MFN2: variants seen among roughly 807,000 people sequenced by gnomAD.
MFN2 encodes mitofusin-2.
MFN2 carries 43 observed loss-of-function variants against 87.5 expected under a neutral mutation model. The ratio of observed to expected loss-of-function variants is 0.49; its 90% CI spans 0.38 to 0.63. The LOEUF is 0.63. Ranked by LOEUF, MFN2 falls within the 30% of genes least tolerant of loss-of-function variation. MFN2 has a pLI of 0.00. For synonymous variants in MFN2, 337 were observed against 359.9 expected, an observed-to-expected ratio of 0.94 and a Z score of 0.72; for missense variants, 743 against 972.8, an observed-to-expected ratio of 0.76 and a Z score of 3.14.
Position 12,003,651 on chromosome 1 carries a change from T to G in MFN2, c.1161-341T>G, listed in dbSNP as rs1569858579. On this transcript the variant is annotated intron_variant, in intron 11 of 18. Coordinates refer to ENST00000235329, the MANE Select transcript of MFN2 (RefSeq NM_014874.4). The surrounding 1 kb of genome is among the most constrained non-coding windows in gnomAD (Gnocchi z 4.1). ...TGCACTCCAGCCTGGGCAACAAGAGTGAAACTCCATCTCAAAAAAAAAAAA... is the reference window on the plus strand; with the variant it reads ...TGCACTCCAGCCTGGGCAACAAGAGGGAAACTCCATCTCAAAAAAAAAAAA... Among the ~76,000 whole-genome samples, 1 of 145,338 alleles carries G rather than the reference T, an allele frequency of 6.9e-6. No homozygotes were observed. Among genetic ancestry groups the G allele is most frequent in the South Asian group, 2.1e-4 (1 of 4,658 alleles).
At chr1:11,990,129 C>T (rs945933214) in intron 3 of MFN2, among the ~76,000 whole-genome samples, 4 of 152,122 alleles carry the variant, frequency 2.6e-5, no homozygotes, top group East Asian at 1.9e-4. Flanking sequence ...GGTGGTGCTT[C>T]GGGGGTTGGC....
In MFN2 at chr1:12,002,185, G is replaced by A. The variant is rs536929731; in HGVS notation, c.1160+82G>A. On this transcript the variant is annotated intron_variant, in intron 11 of 18. Transcript: ENST00000235329. ...CCCCTGCCTTGGGCAGTTAGGACAC[G>A]CCTTGATGGCAGGGCTGAGTCTCTG... is the stretch of plus-strand genomic sequence containing the variant. 424 of 1,605,666 alleles carry A rather than the reference G, an allele frequency of 2.6e-4. 1 individual carries two copies. In the South Asian group the frequency reaches 3.0e-3, roughly 11 times the overall value.
At chr1:12,007,369 C>A (rs1005337898) in intron 17 of MFN2, 120 bp downstream of exon 17, 3 of 1,281,190 alleles carry the variant, frequency 2.3e-6, no homozygotes, top group Non-Finnish European at 3.3e-6. Flanking sequence ...CATCGTAGAC[C>A]CTGGGCCTTC....
intron 18 of MFN2, 123 bp downstream of exon 18, chr1:12,009,849 A>C: frequency 1.8e-5 from 25 of 1,426,176 alleles, no homozygotes; most frequent in Non-Finnish European, 2.3e-5. Flanking sequence ...GATTTAGCTC[A>C]TTCGTGTTAG....
At chr1:12,010,568 C>A (rs1451394452) in intron 18 of MFN2, among the ~76,000 whole-genome samples, 1 of 151,936 alleles carries the variant, frequency 6.6e-6, no homozygotes, top group Non-Finnish European at 1.5e-5. Flanking sequence ...TGGGGACTGG[C>A]AGAGCTGGGA....
At position 12,004,799 on chromosome 1, in the gene MFN2, TCTTAA is replaced by T. The variant is rs1252834396; in HGVS notation, c.1393-22_1393-18del. 2.5e-6 allele frequency: 4 copies of T among 1,608,720 alleles called. No individual in the cohort carries two copies. The highest frequency in any genetic ancestry group is 2.2e-5 in the East Asian group (1 of 44,818). Reference sequence around the variant, plus strand: ...AAGGGAATTTTGATGGACATGCTTCTCTTAACTTCCCTCTTCTGGTGGCAGGAGCT... The same window carrying T: ...AAGGGAATTTTGATGGACATGCTTCTCTTCCCTCTTCTGGTGGCAGGAGCT... On this transcript the variant is annotated intron_variant, in intron 13 of 18. Coordinates refer to ENST00000235329, the MANE Select transcript of MFN2 (RefSeq NM_014874.4). This position sits in a 1 kb window ranked among gnomAD's most constrained non-coding sequence, Gnocchi z 4.2.
At chr1:12,006,743 G>T in intron 16 of MFN2, 50 bp downstream of exon 16, 1 of 1,609,236 alleles carries the variant, frequency 6.2e-7, no homozygotes, top group South Asian at 1.1e-5. Flanking sequence ...GCAGGTGGGC[G>T]GGGCCTGAGG....
rs1238742091 is a variant in MFN2 at position 12,004,927 on chromosome 1, G to C, written c.1495G>C (p.Asp499His). ...SLQTMQQDMI[D>H]GLKPLLPVSV... ...GCAGACCATGCAGCAGGACATGATA[G>C]GTTAGTGCCCATGGGGAACTGGGCA... The change falls in exon 14 of 19, where the codon GAT becomes CAT. Residue 499 changes from aspartate to histidine, a missense_variant and splice_region_variant. Asp to His is a moderately conservative substitution (Grantham distance 81). Around this residue, in one of 3 missense-constraint regions of MFN2, gnomAD observed 571 missense variants for 670.7 expected, o/e 0.85. Coordinates refer to ENST00000235329, the MANE Select transcript of MFN2 (RefSeq NM_014874.4). The surrounding 1 kb of genome is among the most constrained non-coding windows in gnomAD (Gnocchi z 4.2). The C allele has an allele frequency of 6.2e-7, 1 of 1,605,338 alleles. No individual in the cohort carries two copies. Among genetic ancestry groups the C allele is most frequent in the Non-Finnish European group, 8.5e-7 (1 of 1,175,980 alleles).
chr1:12,001,896 G>A, intron 10 of MFN2, 60 bp downstream of exon 10: 1 of 1,614,020 alleles, frequency 6.2e-7, no homozygotes, highest in Non-Finnish European at 8.5e-7. Context: ...CATTGGCTGT[G>A]TCCCTGGCAG....
At chr1:11,991,392 A>ACTC (rs1638667131) in intron 3 of MFN2, among the ~76,000 whole-genome samples, 1 of 152,210 alleles carries the variant, frequency 6.6e-6, no homozygotes, top group African/African-American at 2.4e-5. Context: ...AGGGGTGGTC[A>ACTC]GAGAAGGCTT....
intron 3 of MFN2, among the ~76,000 whole-genome samples, chr1:11,991,950 A>AAAAAAAG (rs1202436105): frequency 3.5e-5 from 5 of 142,662 alleles, no homozygotes; most frequent in African/African-American, 1.1e-4. Flanking sequence ...AAAAAAAAAA[A>AAAAAAAG]AAGAAGTGAC....
chr1:11,997,465 C>T (rs201528186), intron 6 of MFN2, 44 bp downstream of exon 6: 174 of 1,612,190 alleles, frequency 1.1e-4, no homozygotes, highest in Middle Eastern at 6.6e-4. Context: ...CTGGAAGGCA[C>T]CAGGTTTCCA....
At chr1:12,010,273 A>G (rs999490585) in intron 18 of MFN2, among the ~76,000 whole-genome samples, 10 of 152,250 alleles carry the variant, frequency 6.6e-5, no homozygotes, top group African/African-American at 2.4e-4. Flanking sequence ...GCATGATGGC[A>G]TCACAGTACT....
chr1:12,001,759 A>C lies in MFN2; in HGVS notation c.971-10A>C, dbSNP rs1453045695. 3 of 1,614,092 alleles carry C rather than the reference A, an allele frequency of 1.9e-6. No individual in the cohort carries two copies. In the East Asian group the frequency reaches 6.7e-5, roughly 36 times the overall value. On this transcript the variant is annotated splice_polypyrimidine_tract_variant and intron_variant, in intron 9 of 18. Coordinates refer to ENST00000235329, the MANE Select transcript of MFN2 (RefSeq NM_014874.4). ...GTTGTTTCTGGACTAATGCAGTACAATCCTCCTAGGGGGCGCTCTCGCAGA... is the reference window on the plus strand; with the variant it reads ...GTTGTTTCTGGACTAATGCAGTACACTCCTCCTAGGGGGCGCTCTCGCAGA...
intron 2 of MFN2, among the ~76,000 whole-genome samples, chr1:11,986,882 T>G (rs2100795415): frequency 6.6e-6 from 1 of 152,280 alleles, no homozygotes; most frequent in Non-Finnish European, 1.5e-5. Context: ...CAGCCTCTTT[T>G]GACCTTTGAC....
At chr1:11,987,557 G>A (rs1451401902) in intron 2 of MFN2, among the ~76,000 whole-genome samples, 2 of 151,348 alleles carry the variant, frequency 1.3e-5, no homozygotes, top group Non-Finnish European at 2.9e-5. Context: ...TTGAACTCGG[G>A]AGGTGGTGGT....
In MFN2 at chr1:11,996,305, AGAG is replaced by A. The variant is rs1213849595; in HGVS notation, c.465_467del (p.Arg155del). 6.2e-7 allele frequency: 1 copy of A among 1,614,120 alleles called. No homozygotes were observed. The highest frequency in any genetic ancestry group is 1.1e-5 in the South Asian group (1 of 91,078). On this transcript the variant is annotated inframe_deletion, in exon 5 of 19. Transcript: ENST00000235329. ...CTCCTTACCGAGGGCTCAGAGGAAAAGAGGAGTGCCAAGGTGAGGGTGCCAGGC... is the reference window on the plus strand; with the variant it reads ...CTCCTTACCGAGGGCTCAGAGGAAAAGAGTGCCAAGGTGAGGGTGCCAGGC...
chr1:11,999,591 C>G (rs1639082058), intron 8 of MFN2, among the ~76,000 whole-genome samples: 1 of 151,922 alleles, frequency 6.6e-6, no homozygotes, highest in South Asian at 2.1e-4. Flanking sequence ...CTCCTGGGCT[C>G]AGGTGATCCA....
Position 11,996,253 on chromosome 1 carries a change from G to A in MFN2, c.409G>A (p.Glu137Lys). 1.2e-6 allele frequency: 2 copies of A among 1,614,230 alleles called. No homozygotes were observed. Among genetic ancestry groups the A allele is most frequent in the Non-Finnish European group, 1.7e-6 (2 of 1,180,032 alleles). The change falls in exon 5 of 19, where the codon GAG becomes AAG. Residue 137 changes from glutamate (E) to lysine (K), a missense_variant. Coordinates refer to ENST00000235329, the MANE Select transcript of MFN2 (RefSeq NM_014874.4). The stretch of plus-strand genomic sequence containing the variant: ...CACCACCAATTGCTTCCTGCGGGTA[G>A]AGGGCACAGATGGCCATGAGGCCTT... Reference protein sequence around the residue: ...GHTTNCFLRVEGTDGHEAFLL... With the variant: ...GHTTNCFLRVKGTDGHEAFLL...
Sources: allele counts gnomAD v4.1 joint callset (sites outside exome capture counted in the v4.1 genomes callset), GRCh38; gene constraint gnomAD v4.1.1; regional missense constraint gnomAD v4.1.1; non-coding constraint Gnocchi (gnomAD v3.1); transcripts MANE v1.5; gene names NCBI Gene and HGNC (gene_info 2026-07-23, HGNC 2026-07-21).